The following BCKDHB variants were observed in gnomAD, a reference collection of about 807,000 sequenced individuals.
BCKDHB encodes the protein branched chain keto acid dehydrogenase E1 subunit beta, also known as 2-oxoisovalerate dehydrogenase subunit beta, mitochondrial.
In BCKDHB, 41 loss-of-function variants were observed where a neutral mutation model predicts 48.5. That is an observed-to-expected ratio of 0.85 (90% CI 0.66 to 1.10). The LOEUF (loss-of-function observed/expected upper bound fraction) is 1.10. Among genes scored for constraint, BCKDHB ranks in the 50% least tolerant of loss-of-function variants. BCKDHB has a pLI of 0.00. For missense variants in BCKDHB, 496 were observed against 494.2 expected (o/e 1.00, Z -0.03); for synonymous variants, 201 against 174.8 (o/e 1.15, Z -1.18).
the BCKDHB span, among the ~76,000 whole-genome samples, chr6:80,446,874 G>A: frequency 6.6e-6 from 1 of 151,942 alleles, no homozygotes; most frequent in Admixed American, 6.6e-5. Flanking sequence ...TGGTCGAGGA[G>A]GGGTTTATCT....
At chr6:80,375,279 A>G in the BCKDHB span, among the ~76,000 whole-genome samples, 2 of 152,194 alleles carry the variant, frequency 1.3e-5, no homozygotes, top group Admixed American at 1.3e-4. Flanking sequence ...TTCCTTGGGA[A>G]CACCAATTAT....
chr6:80,278,260 A>G (rs1416858329), intron 9 of BCKDHB, among the ~76,000 whole-genome samples: 1 of 152,192 alleles, frequency 6.6e-6, no homozygotes, highest in Non-Finnish European at 1.5e-5. Context: ...TCTGTACTAA[A>G]AGATGGAGCC....
At chr6:80,393,933 A>G in the BCKDHB span, among the ~76,000 whole-genome samples, 1 of 152,180 alleles carries the variant, frequency 6.6e-6, no homozygotes. Flanking sequence ...TCTAAAACAT[A>G]TTTTTTAAAA....
At chr6:80,433,986 C>A in the BCKDHB span, among the ~76,000 whole-genome samples, 2 of 152,112 alleles carry the variant, frequency 1.3e-5, no homozygotes, top group East Asian at 3.9e-4. Context: ...AAATGCTTGA[C>A]CACTTAATAT....
intron 8 of BCKDHB, among the ~76,000 whole-genome samples, chr6:80,246,748 G>A (rs1290835279): frequency 6.6e-6 from 1 of 152,074 alleles, no homozygotes; most frequent in Non-Finnish European, 1.5e-5. Context: ...TAATGTTTGT[G>A]GAGACACCCC....
intron 9 of BCKDHB, among the ~76,000 whole-genome samples, chr6:80,336,485 G>GCAAAAAAAAAAAA (rs1769595883): frequency 4.5e-5 from 1 of 22,136 alleles, no homozygotes. Context: ...AGAAATCTTA[G>GCAAAAAAAAAAAA]CAAAAAAAAC....
intron 3 of BCKDHB, among the ~76,000 whole-genome samples, chr6:80,131,300 C>T (rs775795839): frequency 2.0e-5 from 3 of 152,228 alleles, no homozygotes; most frequent in Non-Finnish European, 4.4e-5. Flanking sequence ...AAGGCTGCTA[C>T]ATGCACCCAG....
At chr6:80,356,492 T>C in the BCKDHB span, 1 of 152,206 alleles carries the variant, frequency 6.6e-6, no homozygotes, top group South Asian at 2.1e-4. Flanking sequence ...GGTCATTACA[T>C]ACTTTTAAGT....
chr6:80,419,123 A>G, the BCKDHB span, among the ~76,000 whole-genome samples: 1 of 151,848 alleles, frequency 6.6e-6, no homozygotes, highest in African/African-American at 2.4e-5. Context: ...CATTTGGGGG[A>G]GGTGGGACAG....
chr6:80,420,292 T>C, the BCKDHB span, among the ~76,000 whole-genome samples: 311 of 152,352 alleles, frequency 2.0e-3, no homozygotes, highest in African/African-American at 7.1e-3. Context: ...CCAGTCTTTA[T>C]TGACTGGCTT....
At chr6:80,363,009 C>T in the BCKDHB span, among the ~76,000 whole-genome samples, 1 of 152,100 alleles carries the variant, frequency 6.6e-6, no homozygotes, top group African/African-American at 2.4e-5. Flanking sequence ...CAATTTTCCA[C>T]TCTTCTCCTT....
At chr6:80,404,103 CAA>C in the BCKDHB span, among the ~76,000 whole-genome samples, 1 of 151,762 alleles carries the variant, frequency 6.6e-6, no homozygotes, top group Non-Finnish European at 1.5e-5. Flanking sequence ...TTATCAGTTT[CAA>C]AGTCTTCTCA....
chr6:80,280,846 GGA>G (rs376360598), intron 9 of BCKDHB, among the ~76,000 whole-genome samples: 8 of 152,136 alleles, frequency 5.3e-5, no homozygotes, highest in African/African-American at 1.7e-4. Context: ...TCAGATAGTA[GGA>G]GAGAGAATCT....
chr6:80,441,214 A>G, the BCKDHB span: 1 of 152,198 alleles, frequency 6.6e-6, no homozygotes, highest in Non-Finnish European at 1.5e-5. Context: ...AAATGTGCAT[A>G]TAGCATCCTG....
At chr6:80,268,377 A>G (rs1777601485) in intron 8 of BCKDHB, among the ~76,000 whole-genome samples, 3 of 152,108 alleles carry the variant, frequency 2.0e-5, no homozygotes, top group South Asian at 4.1e-4. Flanking sequence ...TGTATGCATT[A>G]CATATATGAG....
At chr6:80,448,176 T>C in the BCKDHB span, among the ~76,000 whole-genome samples, 1 of 152,022 alleles carries the variant, frequency 6.6e-6, no homozygotes. Context: ...GATAGCAAAG[T>C]CCCTGAGACT....
intron 9 of BCKDHB, among the ~76,000 whole-genome samples, chr6:80,296,765 C>G (rs1200051056): frequency 1.3e-5 from 2 of 152,074 alleles, no homozygotes; most frequent in East Asian, 3.9e-4. Flanking sequence ...CCAATATGTT[C>G]ACACACAGAA....
At chr6:80,403,772 G>C in the BCKDHB span, among the ~76,000 whole-genome samples, 1 of 151,938 alleles carries the variant, frequency 6.6e-6, no homozygotes, top group Non-Finnish European at 1.5e-5. Flanking sequence ...AATTGGTTGA[G>C]AGTTTTTGTC....
the BCKDHB span, among the ~76,000 whole-genome samples, chr6:80,371,143 C>T: frequency 6.6e-6 from 1 of 151,894 alleles, no homozygotes; most frequent in Non-Finnish European, 1.5e-5. Flanking sequence ...ACATCCATGC[C>T]AACTTCTATT....
Sources: gnomAD v4.1 joint callset for allele counts (sites outside exome capture counted in the v4.1 genomes callset) on GRCh38, gnomAD v4.1.1 for gene constraint, MANE v1.5 for transcripts, NCBI Gene and HGNC (gene_info 2026-07-23, HGNC 2026-07-21) for gene names.